DNAAF9: variants seen among roughly 807,000 people sequenced by gnomAD.
The protein encoded by DNAAF9 is dynein axonemal assembly factor 9.
A neutral mutation model predicts 167.0 loss-of-function variants in DNAAF9; 90 were observed. The observed-to-expected ratio is 0.54, with a 90% CI of 0.45 to 0.64. DNAAF9 has a LOEUF of 0.64. Among genes scored for constraint, DNAAF9 ranks in the 30% least tolerant of loss-of-function variants. The pLI, the probability that DNAAF9 is intolerant of heterozygous loss-of-function variation, is 0.00. For synonymous variants in DNAAF9, 491 were observed against 508.8 expected (o/e 0.96, Z 0.47); for missense variants, 1,315 against 1,442.2 (o/e 0.91, Z 1.43).
rs1263745020 is a variant in DNAAF9 at position 3,336,030 on chromosome 20, T to C, written c.982-3669A>G. On this transcript the variant is annotated intron_variant, in intron 10 of 36. Transcript: ENST00000252032. ...CCCAGCTACTTAGGAGGCTGAGGCA[T>C]GAGAATTGCTTGAACCCAGGAGGCG... Among the ~76,000 whole-genome samples the C allele has an allele frequency of 9.4e-5, 14 of 149,376 alleles. No individual in the cohort carries two copies. The South Asian group carries it at 3.0e-3, about 32-fold the overall frequency.
intron 8 of DNAAF9, among the ~76,000 whole-genome samples, chr20:3,344,042 GA>G (rs1356026649): frequency 2.0e-5 from 3 of 151,964 alleles, no homozygotes; most frequent in Non-Finnish European, 4.4e-5. Context: ...GGAAAATAAA[GA>G]AAAAAATCCT....
At chr20:3,341,247 T>A (rs1289495933) in intron 9 of DNAAF9, among the ~76,000 whole-genome samples, 1 of 152,150 alleles carries the variant, frequency 6.6e-6, no homozygotes, top group Non-Finnish European at 1.5e-5. Context: ...CTTGCCAAAG[T>A]CACCAAGTGA....
At chr20:3,327,083 T>A (rs887888981) in intron 12 of DNAAF9, among the ~76,000 whole-genome samples, 6 of 152,142 alleles carry the variant, frequency 3.9e-5, no homozygotes, top group African/African-American at 1.4e-4. Context: ...AGAAGAGAGA[T>A]GACCAGACTG....
chr20:3,389,039 G>C (rs2083788984), intron 1 of DNAAF9, among the ~76,000 whole-genome samples: 1 of 152,158 alleles, frequency 6.6e-6, no homozygotes, highest in South Asian at 2.1e-4. Context: ...TGCAGTCCCA[G>C]CTCACTGCAG....
At chr20:3,389,578 G>A (rs2083797609) in intron 1 of DNAAF9, among the ~76,000 whole-genome samples, 1 of 150,712 alleles carries the variant, frequency 6.6e-6, no homozygotes, top group South Asian at 2.1e-4. Flanking sequence ...ACCAACATGT[G>A]CAACATAGCA....
chr20:3,397,226 G>A (rs2083920582), intron 1 of DNAAF9, among the ~76,000 whole-genome samples: 1 of 147,460 alleles, frequency 6.8e-6, no homozygotes, highest in Non-Finnish European at 1.5e-5. Context: ...CAGCCTGGGT[G>A]ACAAGAGTGA....
chr20:3,318,241 A>T (rs887119004), intron 17 of DNAAF9, 48 bp downstream of exon 17: 11 of 893,126 alleles, frequency 1.2e-5, no homozygotes, highest in Middle Eastern at 4.5e-4. Context: ...TGCCAAAAAA[A>T]AAAAAAAAAG....
intron 13 of DNAAF9, among the ~76,000 whole-genome samples, chr20:3,325,707 C>T (rs1486148968): frequency 6.6e-6 from 1 of 152,138 alleles, no homozygotes; most frequent in Non-Finnish European, 1.5e-5. Context: ...GGCAGGTTAA[C>T]CGCAAAACAG....
chr20:3,290,147 A>G lies in DNAAF9; in HGVS notation c.2309T>C (p.Leu770Pro), dbSNP rs1220355784. Reference protein sequence around the residue: ...ASELCAFLVTLHKECGRWMVY... With the variant: ...ASELCAFLVTPHKECGRWMVY... Reference sequence around the variant, plus strand: ...TACTAACCTGCCACATTCCTTATGCAGAGTGACCAGAAAAGCACAGAGCTC... The same window carrying G: ...TACTAACCTGCCACATTCCTTATGCGGAGTGACCAGAAAAGCACAGAGCTC... Residue 770 changes from leucine (L) to proline (P), a missense_variant, in exon 26 of 37, where the codon CTG (leucine) becomes CCG (proline). Leu to Pro is a moderately conservative substitution (Grantham distance 98). This residue lies in a region of DNAAF9 where 981 missense variants were observed against 1,012.5 expected (regional missense o/e 0.97). Transcript: ENST00000252032. 5 of 1,610,806 alleles carry G rather than the reference A, an allele frequency of 3.1e-6. No homozygotes were observed. In the African/African-American group the frequency reaches 4.0e-5, roughly 13 times the overall value.
chr20:3,256,470 C>A (rs1271864354), intron 33 of DNAAF9, among the ~76,000 whole-genome samples: 1 of 152,028 alleles, frequency 6.6e-6, no homozygotes, highest in Non-Finnish European at 1.5e-5. Context: ...TGAGATTGCG[C>A]CACTGTACTC....
At chr20:3,316,821 T>C (rs1465450376) in intron 17 of DNAAF9, 28 bp from the exon 18 acceptor site, 1 of 1,578,654 alleles carries the variant, frequency 6.3e-7, no homozygotes, top group Admixed American at 1.7e-5. Flanking sequence ...ACATGCCAGT[T>C]AATTCCCTAC....
chr20:3,339,401 A>G (rs2070034131), intron 10 of DNAAF9, among the ~76,000 whole-genome samples: 1 of 152,250 alleles, frequency 6.6e-6, no homozygotes, highest in East Asian at 1.9e-4. Flanking sequence ...CTGAAGAAAC[A>G]GACTTTTAAT....
chr20:3,303,486 C>CT lies in DNAAF9; in HGVS notation c.1782+953dup, dbSNP rs545420737. ...AGCTACTTATCATCCCAGTACTGTG[C>CT]TTTTCATGATGCATTCTTTCTTCCC... On this transcript the variant is annotated intron_variant, in intron 21 of 36. Coordinates refer to ENST00000252032, the MANE Select transcript of DNAAF9 (RefSeq NM_001009984.3). Among the ~76,000 whole-genome samples the CT allele has an allele frequency of 1.3e-3, 202 of 152,204 alleles. 1 individual carries two copies. The Middle Eastern group carries it at 0.017, about 13-fold the overall frequency.
intron 12 of DNAAF9, among the ~76,000 whole-genome samples, chr20:3,328,183 G>GTT (rs754972652): frequency 3.2e-4 from 42 of 131,958 alleles, no homozygotes; most frequent in South Asian, 9.6e-4. Context: ...GCATGGCTCT[G>GTT]TTTTTTTTTT....
intron 12 of DNAAF9, among the ~76,000 whole-genome samples, chr20:3,328,209 T>C (rs1335879328): frequency 6.9e-6 from 1 of 145,640 alleles, no homozygotes; most frequent in Admixed American, 7.1e-5. Flanking sequence ...TGAGATGGAG[T>C]CTTGCTCTGT....
At chr20:3,326,020 G>C (rs2069704171) in intron 13 of DNAAF9, among the ~76,000 whole-genome samples, 177 bp downstream of exon 13, 1 of 152,148 alleles carries the variant, frequency 6.6e-6, no homozygotes, top group Non-Finnish European at 1.5e-5. Context: ...GACAACAGCA[G>C]CACAGTCACA....
intron 33 of DNAAF9, among the ~76,000 whole-genome samples, chr20:3,259,088 G>A (rs1448204327): frequency 2.0e-5 from 3 of 152,220 alleles, no homozygotes; most frequent in Non-Finnish European, 2.9e-5. Context: ...GAAGCTCAAA[G>A]ACTTTGGTCA....
intron 27 of DNAAF9, among the ~76,000 whole-genome samples, chr20:3,284,970 AG>A (rs776618850): frequency 2.6e-5 from 4 of 152,122 alleles, no homozygotes; most frequent in Admixed American, 6.6e-5. Flanking sequence ...CCAACACACA[AG>A]GATCCCTTGT....
chr20:3,315,852 ACT>A lies in DNAAF9; in HGVS notation c.1540-69_1540-68del. 4 of 1,162,930 alleles carry A rather than the reference ACT, an allele frequency of 3.4e-6. No homozygotes were observed. The South Asian group carries it at 3.7e-5, about 11-fold the overall frequency. 72.0% of individuals were successfully genotyped at this position (1,162,930 alleles called of 1,614,324 possible). A position where few individuals can be genotyped will look rare whatever the true frequency, so the allele number is the denominator to read the frequency against. ...AGGGAAAACCCTGCTAGGTCTCCCCACTGTGTTCAAATATTTCCAGGACACTG... is the reference window on the plus strand; with the variant it reads ...AGGGAAAACCCTGCTAGGTCTCCCCAGTGTTCAAATATTTCCAGGACACTG... On this transcript the variant is annotated intron_variant, in intron 18 of 36. Coordinates refer to ENST00000252032, the MANE Select transcript of DNAAF9 (RefSeq NM_001009984.3). The surrounding 1 kb of genome is among the most constrained non-coding windows in gnomAD (Gnocchi z 4.1).
Sources: allele counts gnomAD v4.1 joint callset (sites outside exome capture counted in the v4.1 genomes callset), GRCh38; gene constraint gnomAD v4.1.1; regional missense constraint gnomAD v4.1.1; non-coding constraint Gnocchi (gnomAD v3.1); transcripts MANE v1.5; gene names NCBI Gene and HGNC (gene_info 2026-07-23, HGNC 2026-07-21).